Variants in ZYG11B observed in about 807,000 individuals in gnomAD.
ZYG11B encodes protein zyg-11 homolog B.
In ZYG11B, 36 loss-of-function variants were observed where a neutral mutation model predicts 82.4. The observed-to-expected ratio is 0.44, with a 90% CI of 0.33 to 0.58. The LOEUF is 0.58. Ranked by LOEUF, ZYG11B falls within the 20% of genes least tolerant of loss-of-function variation. The probability of loss-of-function intolerance (pLI) is 0.02; values close to 1 mark genes in which losing one functional copy is unlikely to be tolerated. For missense variants in ZYG11B, 552 were observed against 895.6 expected (o/e 0.62, Z 4.90); for synonymous variants, 303 against 312.8 (o/e 0.97, Z 0.33).
At chr1:52,742,915 C>T (rs1221584092) in intron 1 of ZYG11B, among the ~76,000 whole-genome samples, 3 of 151,114 alleles carry the variant, frequency 2.0e-5, no homozygotes, top group South Asian at 2.1e-4. Flanking sequence ...CCCGGCCAGC[C>T]GCCCCGTCCG....
intron 2 of ZYG11B, among the ~76,000 whole-genome samples, chr1:52,766,770 A>G (rs1271408914): frequency 6.6e-6 from 1 of 152,168 alleles, no homozygotes; most frequent in Non-Finnish European, 1.5e-5. Context: ...GCACTTTGGG[A>G]GGCCGAGGCG....
intron 12 of ZYG11B, among the ~76,000 whole-genome samples, chr1:52,814,598 G>A (rs1200014278): frequency 1.3e-5 from 2 of 152,178 alleles, no homozygotes; most frequent in Non-Finnish European, 2.9e-5. Flanking sequence ...GCACATACCT[G>A]TAGTCCTGGG....
chr1:52,762,783 T>G (rs761634020), intron 2 of ZYG11B, among the ~76,000 whole-genome samples: 1 of 151,934 alleles, frequency 6.6e-6, no homozygotes, highest in Non-Finnish European at 1.5e-5. Context: ...GGTTTCACCA[T>G]GTTGGTCAGG....
intron 6 of ZYG11B, among the ~76,000 whole-genome samples, chr1:52,791,594 C>G (rs1480342416): frequency 6.6e-6 from 1 of 152,088 alleles, no homozygotes; most frequent in Non-Finnish European, 1.5e-5. Flanking sequence ...GTCTCGAACT[C>G]CTGACCTCAG....
In ZYG11B at chr1:52,729,488, T is replaced by G. The variant is rs146597943; in HGVS notation, c.30+2805T>G. Among the ~76,000 whole-genome samples, 62 of 152,340 alleles carry G rather than the reference T, an allele frequency of 4.1e-4. 2 individuals carry two copies. The East Asian group carries it at 0.012, about 28-fold the overall frequency. On this transcript the variant is annotated intron_variant, in intron 1 of 13. Transcript: ENST00000294353. ...TATTAGCTTATTTTGAGCTAGGAAT[T>G]ATCAGTAGAGGCCACTTTCTCGTGC...
At chr1:52,820,856 T>G (rs1645277237) in intron 13 of ZYG11B, among the ~76,000 whole-genome samples, 1 of 151,912 alleles carries the variant, frequency 6.6e-6, no homozygotes. Context: ...ATTCTAGTAC[T>G]TTGGGAGGCT....
At position 52,746,687 on chromosome 1, in the gene ZYG11B, GTTTTTTTT is replaced by G. The variant is rs11446988; in HGVS notation, c.31-9751_31-9744del. Reference sequence around the variant, plus strand: ...ACCAAAAAAATAAAGATCGGCCACTGTTTTTTTTTTTTTTTTTTTTTTTTTTTGCGGCT... The same window carrying G: ...ACCAAAAAAATAAAGATCGGCCACTGTTTTTTTTTTTTTTTTTTTGCGGCT... On this transcript the variant is annotated intron_variant, in intron 1 of 13. Coordinates refer to ENST00000294353, the MANE Select transcript of ZYG11B (RefSeq NM_024646.3). 2.1e-3 allele frequency among the ~76,000 whole-genome samples: 72 copies of G among 33,510 alleles called. 1 individual carries two copies. In the South Asian group the frequency reaches 0.026, roughly 12 times the overall value. The allele number at this position is 33,510 out of a possible 152,430, so 22.0% of individuals were successfully genotyped here.
At chr1:52,804,213 T>A (rs907255176) in intron 10 of ZYG11B, among the ~76,000 whole-genome samples, 4 of 152,040 alleles carry the variant, frequency 2.6e-5, no homozygotes, top group African/African-American at 7.2e-5. Flanking sequence ...CCTACTGCAC[T>A]CCAGCCTGGG....
chr1:52,745,730 A>C (rs750202700), intron 1 of ZYG11B, among the ~76,000 whole-genome samples: 3 of 150,680 alleles, frequency 2.0e-5, no homozygotes, highest in African/African-American at 7.3e-5. Flanking sequence ...TGCCCAGCTA[A>C]TTTTTGTATT....
At chr1:52,741,321 A>AAAAATT (rs1481484800) in intron 1 of ZYG11B, among the ~76,000 whole-genome samples, 1 of 125,506 alleles carries the variant, frequency 8.0e-6, no homozygotes, top group Admixed American at 8.8e-5. Context: ...AAAAAAAAAG[A>AAAAATT]AAAGAAAAGA....
intron 13 of ZYG11B, 67 bp from the exon 14 acceptor site, chr1:52,821,368 TGGAA>T: frequency 6.8e-7 from 1 of 1,461,836 alleles, no homozygotes. Context: ...CATTTTTTTG[TGGAA>T]TAATTTTCAA....
chr1:52,762,248 A>G (rs1215526478), intron 2 of ZYG11B, among the ~76,000 whole-genome samples: 7 of 133,254 alleles, frequency 5.3e-5, no homozygotes, highest in Non-Finnish European at 1.1e-4. Context: ...TCACTCTGTT[A>G]TGCAGGCTGG....
At chr1:52,756,101 C>T (rs1168677930) in intron 1 of ZYG11B, among the ~76,000 whole-genome samples, 5 of 152,212 alleles carry the variant, frequency 3.3e-5, no homozygotes, top group Non-Finnish European at 5.9e-5. Context: ...ATACTCATGT[C>T]TGAACAGCAT....
At chr1:52,728,498 T>C (rs1346763528) in intron 1 of ZYG11B, among the ~76,000 whole-genome samples, 11 of 152,192 alleles carry the variant, frequency 7.2e-5, no homozygotes, top group Admixed American at 7.2e-4. Flanking sequence ...ATTCAAGCCA[T>C]CCTCCCACCT....
chr1:52,771,195 T>C lies in ZYG11B; in HGVS notation c.372T>C (p.Ile124=). 3.1e-6 allele frequency: 5 copies of C among 1,614,208 alleles called. No individual in the cohort carries two copies. Among genetic ancestry groups the C allele is most frequent in the Non-Finnish European group, 4.2e-6 (5 of 1,180,036 alleles). The change falls in exon 3 of 14, where the codon ATT becomes ATC. Residue 124 remains isoleucine (I), a synonymous_variant. Transcript: ENST00000294353. The surrounding 1 kb of genome is among the most constrained non-coding windows in gnomAD (Gnocchi z 5.4). ...GVNADITITD[I]ISGLGSNKWI... ...ATGCTGATATCACGATTACAGACAT[T>C]ATCAGTGGGCTTGGCAGTAACAAAT...
At chr1:52,773,531 G>A (rs1228816007) in intron 3 of ZYG11B, among the ~76,000 whole-genome samples, 2 of 139,224 alleles carry the variant, frequency 1.4e-5, no homozygotes, top group South Asian at 4.7e-4. Flanking sequence ...TTAACCTAAT[G>A]GGAGTGGTGA....
At chr1:52,763,285 T>C (rs938246116) in intron 2 of ZYG11B, among the ~76,000 whole-genome samples, 3 of 152,222 alleles carry the variant, frequency 2.0e-5, no homozygotes, top group African/African-American at 4.8e-5. Context: ...TCATGGTCTT[T>C]TGTGGTTCCA....
At chr1:52,811,270 TA>T (rs1645180620) in intron 10 of ZYG11B, among the ~76,000 whole-genome samples, 1 of 152,168 alleles carries the variant, frequency 6.6e-6, no homozygotes, top group African/African-American at 2.4e-5. Context: ...TTATAATTTT[TA>T]TCACATTTTG....
chr1:52,764,290 AT>A (rs35314526), intron 2 of ZYG11B, among the ~76,000 whole-genome samples: 79,887 of 141,718 alleles, frequency 0.56, 23,897 homozygotes, highest in East Asian at 0.93. Flanking sequence ...TGCCTGGCTA[AT>A]TTTTTTTTTT....
Sources: allele counts gnomAD v4.1 joint callset (sites outside exome capture counted in the v4.1 genomes callset), GRCh38; gene constraint gnomAD v4.1.1; non-coding constraint Gnocchi (gnomAD v3.1); transcripts MANE v1.5; gene names NCBI Gene and HGNC (gene_info 2026-07-23, HGNC 2026-07-21).